Variants in SEZ6L observed in about 807,000 individuals in gnomAD.
SEZ6L encodes the protein seizure 6-like protein.
Under a neutral mutation model 106.2 loss-of-function variants are expected in SEZ6L, and 37 were observed. The ratio of observed to expected loss-of-function variants is 0.35; its 90% CI spans 0.27 to 0.46. The LOEUF (loss-of-function observed/expected upper bound fraction) is 0.46, where lower values mean the gene tolerates loss of function less well. Ranked by LOEUF, SEZ6L falls within the 20% of genes least tolerant of loss-of-function variation. The pLI is 1.00. For missense variants in SEZ6L, 1,172 were observed against 1,332.8 expected (o/e 0.88, Z 1.88); for synonymous variants, 541 against 570.4 (o/e 0.95, Z 0.73).
At chr22:26,306,658 C>A (rs1365137793) in intron 6 of SEZ6L, among the ~76,000 whole-genome samples, 1 of 152,070 alleles carries the variant, frequency 6.6e-6, no homozygotes, top group East Asian at 1.9e-4. Context: ...TGCATAGAAT[C>A]CAGAATATGC....
At chr22:26,350,253 G>T in intron 11 of SEZ6L, among the ~76,000 whole-genome samples, 1 of 149,500 alleles carries the variant, frequency 6.7e-6, no homozygotes, top group African/African-American at 2.5e-5. Flanking sequence ...TTTGAGGCAA[G>T]GTCTCACTCT....
chr22:26,170,481 G>C (rs550324948), intron 1 of SEZ6L, among the ~76,000 whole-genome samples: 2 of 117,464 alleles, frequency 1.7e-5, no homozygotes, highest in East Asian at 2.3e-4. Context: ...GTTAGGAATG[G>C]GGGGTGAGGG....
At chr22:26,327,494 C>T (rs2082352698) in intron 9 of SEZ6L, among the ~76,000 whole-genome samples, 1 of 147,134 alleles carries the variant, frequency 6.8e-6, no homozygotes, top group African/African-American at 2.5e-5. Context: ...CACCACATGA[C>T]ACTACACACA....
In SEZ6L at chr22:26,382,762, G is replaced by T. The variant is rs1021134159; in HGVS notation, c.*2467G>T. The T allele has an allele frequency of 5.9e-5, 9 of 152,088 alleles. No homozygotes were observed. Among genetic ancestry groups the T allele is most frequent in the African/African-American group, 2.2e-4 (9 of 41,418 alleles). 9.4% of individuals were successfully genotyped at this position (152,088 alleles called of 1,614,324 possible). On this transcript the variant is annotated 3_prime_UTR_variant, in exon 17 of 17. Transcript: ENST00000248933. ...TAAAAAAAAATAGTGCCAAAAATGT[G>T]CAAGGCATCTCATTACAGCTCATGT...
chr22:26,314,071 TACACACACAC>T (rs55746736), intron 9 of SEZ6L, among the ~76,000 whole-genome samples, 169 bp downstream of exon 9: 5 of 145,612 alleles, frequency 3.4e-5, no homozygotes, highest in Non-Finnish European at 7.5e-5. Context: ...GCATCACAAA[TACACACACAC>T]ACACACACAC....
rs1381353042 is a variant in SEZ6L at position 26,218,251 on chromosome 22, T to C, written c.94+48488T>C. 7.2e-5 allele frequency among the ~76,000 whole-genome samples: 11 copies of C among 152,330 alleles called. 1 individual carries two copies. Among genetic ancestry groups the C allele is most frequent in the Middle Eastern group, 6.8e-3 (2 of 294 alleles). On this transcript the variant is annotated intron_variant, in intron 1 of 16. Coordinates refer to ENST00000248933, the MANE Select transcript of SEZ6L (RefSeq NM_021115.5). ...AGTTTTGTTTGTTTGTTTTGTTTTT[T>C]TACTTTTAAGTTTTGGGATACATGT...
At chr22:26,299,688 T>A (rs945580116) in intron 5 of SEZ6L, among the ~76,000 whole-genome samples, 6 of 152,274 alleles carry the variant, frequency 3.9e-5, no homozygotes, top group Non-Finnish European at 7.3e-5. Flanking sequence ...AATATTCCAT[T>A]GTATGGATGT....
chr22:26,299,124 A>C lies in SEZ6L; in HGVS notation c.1303A>C (p.Asn435His), dbSNP rs1375063081. Residue 435 changes from asparagine to histidine, a missense_variant, in exon 5 of 17, where the codon AAT becomes CAT. Asn to His is a moderately conservative substitution (Grantham distance 68). Transcript: ENST00000248933. ...GGGCGCTAAGATGCTGACATGCATC[A>C]ATGCCTCCAAGCCGCACTGGAGCAG... Reference protein sequence around the residue: ...LQGAKMLTCINASKPHWSSQE... With the variant: ...LQGAKMLTCIHASKPHWSSQE... The C allele has an allele frequency of 6.3e-7, 1 of 1,596,008 alleles. No individual in the cohort carries two copies. Among genetic ancestry groups the C allele is most frequent in the Non-Finnish European group, 8.5e-7 (1 of 1,171,332 alleles).
At chr22:26,273,734 T>C (rs1379850817) in intron 1 of SEZ6L, among the ~76,000 whole-genome samples, 3 of 152,146 alleles carry the variant, frequency 2.0e-5, no homozygotes, top group Non-Finnish European at 2.9e-5. Flanking sequence ...TAGCTCAAAG[T>C]GGTGCTCCAT....
chr22:26,340,636 G>A lies in SEZ6L; in HGVS notation c.2212+4G>A. On this transcript the variant is annotated splice_donor_region_variant and intron_variant, in intron 10 of 16. Coordinates refer to ENST00000248933, the MANE Select transcript of SEZ6L (RefSeq NM_021115.5). ...GGATTTATCATGAACTACATAGGTAGGTGTCTCATCTGGTCAATTTATTTT... is the reference window on the plus strand; with the variant it reads ...GGATTTATCATGAACTACATAGGTAAGTGTCTCATCTGGTCAATTTATTTT... The A allele has an allele frequency of 6.2e-7, 1 of 1,608,130 alleles. No homozygotes were observed. The highest frequency in any genetic ancestry group is 8.5e-7 in the Non-Finnish European group (1 of 1,176,970).
intron 1 of SEZ6L, among the ~76,000 whole-genome samples, chr22:26,258,391 G>A (rs1355039843): frequency 1.3e-5 from 2 of 152,202 alleles, no homozygotes; most frequent in African/African-American, 4.8e-5. Context: ...GAATCCAAAA[G>A]GGCTTCCTGG....
intron 1 of SEZ6L, among the ~76,000 whole-genome samples, chr22:26,289,916 C>G (rs1008556711): frequency 6.6e-6 from 1 of 152,172 alleles, no homozygotes; most frequent in Non-Finnish European, 1.5e-5. Context: ...GACATCTTCA[C>G]GGGGATGTTC....
At chr22:26,230,407 G>A (rs549151258) in intron 1 of SEZ6L, among the ~76,000 whole-genome samples, 11 of 152,180 alleles carry the variant, frequency 7.2e-5, no homozygotes, top group African/African-American at 1.9e-4. Flanking sequence ...TGGTCAGGTC[G>A]CTCAGTCATT....
At chr22:26,186,287 A>G (rs549630294) in intron 1 of SEZ6L, among the ~76,000 whole-genome samples, 2 of 152,344 alleles carry the variant, frequency 1.3e-5, no homozygotes, top group East Asian at 3.9e-4. Flanking sequence ...TGAACAGAGA[A>G]GGAAGTGGGC....
At chr22:26,184,047 T>C (rs117666218) in intron 1 of SEZ6L, among the ~76,000 whole-genome samples, 1,614 of 152,318 alleles carry the variant, frequency 0.011, 24 homozygotes, top group South Asian at 0.084. Context: ...AACTCCACCA[T>C]GGAACAGTGC....
chr22:26,243,435 G>A (rs1163479792), intron 1 of SEZ6L, among the ~76,000 whole-genome samples: 3 of 152,224 alleles, frequency 2.0e-5, no homozygotes, highest in African/African-American at 4.8e-5. Flanking sequence ...CATGAGCCAT[G>A]CAAATAACTG....
Position 26,294,318 on chromosome 22 carries a change from C to T in SEZ6L, c.862C>T (p.Pro288Ser). The T allele has an allele frequency of 6.2e-7, 1 of 1,614,120 alleles. No homozygotes were observed. Among genetic ancestry groups the T allele is most frequent in the South Asian group, 1.1e-5 (1 of 91,078 alleles). Residue 288 changes from proline to serine, a missense_variant, in exon 3 of 17, where the codon CCT (proline) becomes TCT (serine). Physicochemically the swap from Pro to Ser is moderately conservative, Grantham distance 74 (BLOSUM62 -1). Transcript: ENST00000248933. ...TCTCTGCAGTGTGAGCTTCTCCAAT[C>T]CTGAGGGGTACATTGACTCCAGCGA... ...PALCSVSFSN[P>S]EGYIDSSDYP...
chr22:26,283,899 C>A (rs569282046), intron 1 of SEZ6L, among the ~76,000 whole-genome samples: 265 of 152,262 alleles, frequency 1.7e-3, no homozygotes, highest in Admixed American at 4.4e-3. Flanking sequence ...GTATTTACTG[C>A]GTTAGCCTTT....
intron 1 of SEZ6L, among the ~76,000 whole-genome samples, chr22:26,245,801 A>ATTAGCATTT (rs2079319444): frequency 6.6e-6 from 1 of 152,000 alleles, no homozygotes; most frequent in Non-Finnish European, 1.5e-5. Context: ...CAGTCTCTTT[A>ATTAGCATTT]TTAGCATTTT....
Sources: allele counts gnomAD v4.1 joint callset (sites outside exome capture counted in the v4.1 genomes callset), GRCh38; gene constraint gnomAD v4.1.1; transcripts MANE v1.5; gene names NCBI Gene and HGNC (gene_info 2026-07-23, HGNC 2026-07-21).